Variants in CDH4 observed in about 807,000 individuals in gnomAD.
CDH4 encodes cadherin-4.
CDH4 carries 33 observed loss-of-function variants against 86.0 expected under a neutral mutation model. That is an observed-to-expected ratio of 0.38 (90% CI 0.29 to 0.51). CDH4 has a LOEUF of 0.51. Among genes scored for constraint, CDH4 ranks in the 20% least tolerant of loss-of-function variants. The pLI, the probability that CDH4 is intolerant of heterozygous loss-of-function variation, is 0.86. For synonymous variants in CDH4, 555 were observed against 549.4 expected (o/e 1.01, Z -0.14); for missense variants, 1,114 against 1,307.4 (o/e 0.85, Z 2.28).
At chr20:61,313,008 C>T (rs1049766568) in intron 2 of CDH4, among the ~76,000 whole-genome samples, 1 of 152,194 alleles carries the variant, frequency 6.6e-6, no homozygotes, top group East Asian at 1.9e-4. Context: ...TGTGGGGTTG[C>T]GGTGAGCCCT....
chr20:61,256,886 A>G (rs2084101408), intron 2 of CDH4, among the ~76,000 whole-genome samples: 1 of 151,982 alleles, frequency 6.6e-6, no homozygotes, highest in Non-Finnish European at 1.5e-5. Context: ...GAGTCTCAGG[A>G]AGAAAGAGAT....
chr20:61,471,608 G>GT (rs1264041078), intron 2 of CDH4, among the ~76,000 whole-genome samples: 1 of 151,368 alleles, frequency 6.6e-6, no homozygotes, highest in Non-Finnish European at 1.5e-5. Flanking sequence ...TTGTTAGGTT[G>GT]TTTAAAGTTT....
At chr20:61,336,945 A>G (rs1474596303) in intron 2 of CDH4, among the ~76,000 whole-genome samples, 5 of 152,286 alleles carry the variant, frequency 3.3e-5, no homozygotes, top group African/African-American at 1.2e-4. Flanking sequence ...GTGGGTGGGC[A>G]GATTCTGGCT....
chr20:61,715,653 G>A (rs1296593080), intron 2 of CDH4, among the ~76,000 whole-genome samples: 3 of 152,208 alleles, frequency 2.0e-5, no homozygotes, highest in Non-Finnish European at 4.4e-5. Context: ...TGCCTCTAGG[G>A]ACAGACATAG....
intron 2 of CDH4, among the ~76,000 whole-genome samples, chr20:61,386,705 G>A (rs147159771): frequency 7.7e-4 from 118 of 152,348 alleles, no homozygotes; most frequent in Middle Eastern, 6.8e-3. Context: ...TTGTTTCAGG[G>A]TTAAGCAGGA....
chr20:61,402,919 C>T (rs1196033153), intron 2 of CDH4, among the ~76,000 whole-genome samples: 1 of 152,196 alleles, frequency 6.6e-6, no homozygotes, highest in South Asian at 2.1e-4. Flanking sequence ...TACAGATCCA[C>T]AAATTTACAT....
intron 4 of CDH4, among the ~76,000 whole-genome samples, chr20:61,813,822 C>G (rs1018573556): frequency 6.6e-6 from 1 of 152,158 alleles, no homozygotes; most frequent in African/African-American, 2.4e-5. Context: ...GCTCACCAGC[C>G]CTCTCCAGTA....
chr20:61,876,548 T>C (rs4925204), intron 7 of CDH4, among the ~76,000 whole-genome samples: 125,575 of 151,792 alleles, frequency 0.83, 52,118 homozygotes, highest in Admixed American at 0.88. Flanking sequence ...GTTCTAGACG[T>C]GCAGACGCAG....
intron 4 of CDH4, among the ~76,000 whole-genome samples, chr20:61,830,804 A>G (rs890265097): frequency 3.9e-5 from 6 of 152,294 alleles, no homozygotes; most frequent in African/African-American, 1.4e-4. Context: ...TCTTGCCTCT[A>G]CACATCTTGC....
intron 2 of CDH4, among the ~76,000 whole-genome samples, chr20:61,410,787 A>C (rs920362091): frequency 9.3e-5 from 14 of 151,214 alleles, no homozygotes; most frequent in Non-Finnish European, 1.8e-4. Context: ...TCAGTCATCC[A>C]CCCACACATT....
rs967418520 is a variant in CDH4, at chr20:61,341,120, C to T, written c.169+86183C>T. 3.9e-5 allele frequency among the ~76,000 whole-genome samples: 6 copies of T among 152,222 alleles called. No individual in the cohort carries two copies. The South Asian group carries it at 8.3e-4, about 21-fold the overall frequency. ...GCCTTCACCGTAAGCTTGCCCTTCT[C>T]GCTCAGTGAGATAAAGTGCAAGCAT... On this transcript the variant is annotated intron_variant, in intron 2 of 15. Transcript: ENST00000614565.
chr20:61,608,931 C>A (rs1221245037), intron 2 of CDH4, among the ~76,000 whole-genome samples: 1 of 152,158 alleles, frequency 6.6e-6, no homozygotes, highest in Non-Finnish European at 1.5e-5. Context: ...CTCTGTGGCA[C>A]CTGCATCAAG....
chr20:61,654,507 A>G (rs2087166105), intron 2 of CDH4, among the ~76,000 whole-genome samples: 2 of 152,360 alleles, frequency 1.3e-5, no homozygotes, highest in South Asian at 4.1e-4. Context: ...GTGTATTTAC[A>G]TTGTATGAGA....
At chr20:61,266,032 C>A (rs1338551754) in intron 2 of CDH4, among the ~76,000 whole-genome samples, 1 of 152,176 alleles carries the variant, frequency 6.6e-6, no homozygotes, top group Non-Finnish European at 1.5e-5. Context: ...CGTTTGGATT[C>A]ACTGTGCTTT....
At chr20:61,586,038 GTGA>G (rs2086470749) in intron 2 of CDH4, among the ~76,000 whole-genome samples, 1 of 150,184 alleles carries the variant, frequency 6.7e-6, no homozygotes, top group Non-Finnish European at 1.5e-5. Context: ...TGATGATGTG[GTGA>G]TGAGGAGGAT....
At chr20:61,572,045 G>T (rs7271605) in intron 2 of CDH4, among the ~76,000 whole-genome samples, 5,088 of 152,120 alleles carry the variant, frequency 0.033, 288 homozygotes, top group African/African-American at 0.11. Context: ...CCCTTCCCGC[G>T]TGAGTGAGAC....
At chr20:61,899,881 C>G (rs1471289212) in intron 8 of CDH4, among the ~76,000 whole-genome samples, 2 of 152,156 alleles carry the variant, frequency 1.3e-5, no homozygotes, top group African/African-American at 4.8e-5. Flanking sequence ...ACAGATTTTT[C>G]TCTCAAAGGG....
At position 61,777,647 on chromosome 20, in the gene CDH4, C is replaced by A. The variant is rs555890786; in HGVS notation, c.576+4465C>A. On this transcript the variant is annotated intron_variant, in intron 4 of 15. Transcript: ENST00000614565. ...GCATACAAAAACACACGTCTACACACGCACACACGTGCATACAAAGACACA... is the reference window on the plus strand; with the variant it reads ...GCATACAAAAACACACGTCTACACAAGCACACACGTGCATACAAAGACACA... 1.5e-4 allele frequency among the ~76,000 whole-genome samples: 23 copies of A among 150,186 alleles called. 2 individuals are homozygous for A. In the South Asian group the frequency reaches 2.7e-3, roughly 18 times the overall value.
chr20:61,480,907 G>A lies in CDH4; in HGVS notation c.169+225970G>A, dbSNP rs979827525. Among the ~76,000 whole-genome samples the A allele has an allele frequency of 1.3e-5, 2 of 152,222 alleles. No homozygotes were observed. The highest frequency in any genetic ancestry group is 2.4e-5 in the African/African-American group (1 of 41,470). ...GCATTGCCCTCACATGGATTTGTGC[G>A]ACCAAGATTATACAACTCGGATGCT... On this transcript the variant is annotated intron_variant, in intron 2 of 15. Coordinates refer to ENST00000614565, the MANE Select transcript of CDH4 (RefSeq NM_001794.5). The surrounding 1 kb of genome is among the most constrained non-coding windows in gnomAD (Gnocchi z 5.2).
Sources: allele counts gnomAD v4.1 joint callset (sites outside exome capture counted in the v4.1 genomes callset), GRCh38; gene constraint gnomAD v4.1.1; non-coding constraint Gnocchi (gnomAD v3.1); transcripts MANE v1.5; gene names NCBI Gene and HGNC (gene_info 2026-07-23, HGNC 2026-07-21).